Variants in GLB1L3 observed in about 807,000 individuals in gnomAD.
GLB1L3 encodes galactosidase beta 1 like 3.
In GLB1L3, 89 loss-of-function variants were observed where a neutral mutation model predicts 89.5. The observed-to-expected ratio is 0.99, with a 90% confidence interval of 0.84 to 1.19. GLB1L3 has a LOEUF of 1.19. GLB1L3 is among the 50% of genes most tolerant of loss of function. The pLI is 0.00. For missense variants in GLB1L3, 812 were observed against 813.3 expected (o/e 1.00, Z 0.02); for synonymous variants, 314 against 312.3 (o/e 1.01, Z -0.06).
intron 9 of GLB1L3, among the ~76,000 whole-genome samples, chr11:134,300,227 C>T (rs1379063031): frequency 6.6e-6 from 1 of 152,114 alleles, no homozygotes; most frequent in Non-Finnish European, 1.5e-5. Context: ...TCTTCTCCTC[C>T]CTGTGCCCTC....
At chr11:134,323,796 T>C (rs183603043), downstream of GLB1L3, among the ~76,000 whole-genome samples, 12 of 152,358 alleles carry the variant, frequency 7.9e-5, no homozygotes, top group East Asian at 2.3e-3. Flanking sequence ...CCTTTTTTTT[T>C]CTTTTTTGCT....
chr11:134,294,302 A>C (rs1046402346), intron 9 of GLB1L3, among the ~76,000 whole-genome samples: 1 of 152,108 alleles, frequency 6.6e-6, no homozygotes, highest in Non-Finnish European at 1.5e-5. Flanking sequence ...TCCTGACCCC[A>C]GGTGATCCAC....
At chr11:134,308,671 C>CACCAACACCACCACCACCACT in intron 10 of GLB1L3, among the ~76,000 whole-genome samples, 2 of 151,754 alleles carry the variant, frequency 1.3e-5, no homozygotes, top group East Asian at 1.9e-4. Flanking sequence ...CCACCACCAC[C>CACCAACACCACCACCACCACT]ACCAACACCA....
Position 134,293,125 on chromosome 11 carries a change from T to G in GLB1L3, c.812-20T>G. On this transcript the variant is annotated intron_variant, in intron 8 of 19. Coordinates refer to ENST00000431683, the MANE Select transcript of GLB1L3 (RefSeq NM_001080407.3). Reference sequence around the variant, plus strand: ...GCACTTGTCTCATGCCTCAGCTGGGTCTCTCTCTTCTTTATGCAGTGTTGG... The same window carrying G: ...GCACTTGTCTCATGCCTCAGCTGGGGCTCTCTCTTCTTTATGCAGTGTTGG... 6.2e-7 allele frequency: 1 copy of G among 1,610,406 alleles called. No individual in the cohort carries two copies. The highest frequency in any genetic ancestry group is 8.5e-7 in the Non-Finnish European group (1 of 1,176,746).
intron 12 of GLB1L3, 121 bp downstream of exon 12, chr11:134,310,772 C>T (rs1942690970): frequency 5.5e-6 from 4 of 725,006 alleles, no homozygotes; most frequent in South Asian, 3.6e-5. Flanking sequence ...CTCCTGAGAA[C>T]AAGGGCAACC....
intron 9 of GLB1L3, chr11:134,305,020 T>C (rs1371286378): frequency 7.2e-7 from 1 of 1,390,546 alleles, no homozygotes; most frequent in African/African-American, 1.4e-5. Context: ...TGTATCTTAG[T>C]GGCATAATAA....
At chr11:134,308,329 T>C (rs866605196) in intron 10 of GLB1L3, among the ~76,000 whole-genome samples, 35 of 20,190 alleles carry the variant, frequency 1.7e-3, no homozygotes, top group Non-Finnish European at 2.8e-3. Context: ...ACCATCACCA[T>C]CACCATCACC....
intron 5 of GLB1L3, among the ~76,000 whole-genome samples, chr11:134,283,535 C>A (rs185401106): frequency 1.4e-4 from 21 of 152,162 alleles, no homozygotes; most frequent in African/African-American, 4.6e-4. Flanking sequence ...TGGAGGCGGC[C>A]GTTTCCTTTC....
At chr11:134,296,172 C>T (rs1407458694) in intron 9 of GLB1L3, among the ~76,000 whole-genome samples, 1 of 150,510 alleles carries the variant, frequency 6.6e-6, no homozygotes, top group East Asian at 1.9e-4. Flanking sequence ...GAATGGCAGT[C>T]ATTAAAAAGT....
chr11:134,300,825 G>A (rs988259871), intron 9 of GLB1L3, among the ~76,000 whole-genome samples: 2 of 152,152 alleles, frequency 1.3e-5, no homozygotes, highest in Admixed American at 6.5e-5. Context: ...CACACTAACA[G>A]CCTCACTTTT....
chr11:134,296,316 A>G (rs1007945656), intron 9 of GLB1L3, among the ~76,000 whole-genome samples: 8 of 141,124 alleles, frequency 5.7e-5, no homozygotes, highest in Admixed American at 5.1e-4. Context: ...TAGAAATACC[A>G]TTTGACCCAG....
intron 10 of GLB1L3, among the ~76,000 whole-genome samples, chr11:134,308,465 C>T (rs1404718516): frequency 1.3e-4 from 5 of 37,962 alleles, no homozygotes; most frequent in Non-Finnish European, 2.6e-4. Context: ...CCACCACCAC[C>T]ACCACCAAAT....
chr11:134,293,283 C>G (rs1941461646), intron 9 of GLB1L3, 74 bp downstream of exon 9: 1 of 1,262,492 alleles, frequency 7.9e-7, no homozygotes, highest in African/African-American at 1.5e-5. Flanking sequence ...AGCTGGTATT[C>G]CGTGAAAACA....
Position 134,314,344 on chromosome 11 carries a change from C to G in GLB1L3, c.1682C>G (p.Thr561Ser), listed in dbSNP as rs1199648482. ...MSFFERLRSA[T>S]WKPVPDSHQG... ...CTTTCTTCCAGGCTCCGCTCTGCCACCTGGAAGCCTGTCCCAGACAGCCAC... is the reference window on the plus strand; with the variant it reads ...CTTTCTTCCAGGCTCCGCTCTGCCAGCTGGAAGCCTGTCCCAGACAGCCAC... The change falls in exon 18 of 20, where the codon ACC becomes AGC. Residue 561 changes from threonine to serine, a missense_variant. Physicochemically the swap from Thr to Ser is moderately conservative, Grantham distance 58. This residue lies in a region of GLB1L3 where 618 missense variants were observed against 604.0 expected (regional missense o/e 1.02). Coordinates refer to ENST00000431683, the MANE Select transcript of GLB1L3 (RefSeq NM_001080407.3). 2.6e-6 allele frequency: 4 copies of G among 1,549,404 alleles called. No individual in the cohort carries two copies. In the Admixed American group the frequency reaches 7.9e-5, roughly 31 times the overall value.
downstream of GLB1L3, among the ~76,000 whole-genome samples, chr11:134,324,123 T>C (rs1310980024): frequency 1.3e-5 from 2 of 152,242 alleles, no homozygotes; most frequent in Non-Finnish European, 2.9e-5. Flanking sequence ...GTTGCTGTGC[T>C]ATACTCAGAA....
At chr11:134,296,673 C>T (rs1423711597) in intron 9 of GLB1L3, among the ~76,000 whole-genome samples, 1 of 123,860 alleles carries the variant, frequency 8.1e-6, no homozygotes, top group Non-Finnish European at 1.6e-5. Context: ...AGGGGAACAT[C>T]ACACTCTGGG....
intron 7 of GLB1L3, among the ~76,000 whole-genome samples, chr11:134,290,322 C>T (rs1002815729): frequency 1.3e-5 from 2 of 152,150 alleles, no homozygotes; most frequent in Non-Finnish European, 2.9e-5. Context: ...CCTAGAATCC[C>T]AGCACTTTGT....
In GLB1L3 at chr11:134,277,698, A is replaced by G; in HGVS notation, c.150-2A>G. On this transcript the variant is annotated splice_acceptor_variant, in intron 2 of 19. Coordinates refer to ENST00000431683, the MANE Select transcript of GLB1L3 (RefSeq NM_001080407.3). LOFTEE classifies it high-confidence loss of function. ...TTTCTTTCCCTCGCCCGCCCCCTCC[A>G]GGTTTAATTGGTCTCATCTGACCCC... The G allele has an allele frequency of 6.2e-7, 1 of 1,603,532 alleles. No homozygotes were observed. The highest frequency in any genetic ancestry group is 8.5e-7 in the Non-Finnish European group (1 of 1,174,974).
intron 10 of GLB1L3, among the ~76,000 whole-genome samples, chr11:134,309,290 G>T (rs1410792627): frequency 6.6e-6 from 1 of 152,070 alleles, no homozygotes; most frequent in Non-Finnish European, 1.5e-5. Context: ...CTATTTTTTT[G>T]TTGGAATCTT....
Sources: gnomAD v4.1 joint callset for allele counts (sites outside exome capture counted in the v4.1 genomes callset) on GRCh38, gnomAD v4.1.1 for gene constraint, gnomAD v4.1.1 regional missense constraint, MANE v1.5 for transcripts, NCBI Gene and HGNC (gene_info 2026-07-23, HGNC 2026-07-21) for gene names.